The following TRAF7 variants were observed in gnomAD, a reference collection of about 807,000 sequenced individuals.
The protein encoded by TRAF7 is E3 ubiquitin-protein ligase TRAF7.
A neutral mutation model predicts 89.3 loss-of-function variants in TRAF7; 45 were observed. The observed-to-expected ratio is 0.50, with a 90% confidence interval of 0.40 to 0.65. The LOEUF (loss-of-function observed/expected upper bound fraction) is 0.65, where lower values mean the gene tolerates loss of function less well. TRAF7 is among the 30% of genes least tolerant of loss of function. The pLI is 0.00. For synonymous variants in TRAF7, 406 were observed against 369.2 expected (o/e 1.10, Z -1.14); for missense variants, 677 against 918.1 (o/e 0.74, Z 3.39).
chr16:2,175,222 C>T lies in TRAF7; in HGVS notation c.1386+72C>T, dbSNP rs377190585. On this transcript the variant is annotated intron_variant, in intron 15 of 20. Transcript: ENST00000326181. ...CCCCAGTCTGTAGGTGCCCCAGGGA[C>T]GTGTTTCTCCCCGTCTGGGCTCCAG... The T allele has an allele frequency of 3.7e-5, 60 of 1,612,150 alleles. 1 individual carries two copies. The highest frequency in any genetic ancestry group is 2.3e-4 in the South Asian group (21 of 91,054).
intron 11 of TRAF7, 91 bp from the exon 12 acceptor site, chr16:2,173,696 AC>A: frequency 6.3e-7 from 1 of 1,577,824 alleles, no homozygotes. Flanking sequence ...ACCCCTGCCC[AC>A]CCCTGGCCCA....
intron 2 of TRAF7, among the ~76,000 whole-genome samples, chr16:2,165,247 C>A (rs141994235): frequency 5.1e-5 from 7 of 136,984 alleles, no homozygotes; most frequent in Non-Finnish European, 1.1e-4. Context: ...TGCTACGTGG[C>A]GCGGCCTGGT....
chr16:2,176,567 C>A lies in TRAF7; in HGVS notation c.2006C>A (p.Thr669Asn). The change falls in exon 21 of 21, where the codon ACT becomes AAT. Residue 669 changes from threonine to asparagine, a missense_variant. By Grantham distance (65) the Thr-to-Asn change is moderately conservative. Around this residue, in one of 6 missense-constraint regions of TRAF7, gnomAD observed 23 missense variants for 31.7 expected, o/e 0.73. Coordinates refer to ENST00000326181, the MANE Select transcript of TRAF7 (RefSeq NM_032271.3). The stretch of plus-strand genomic sequence containing the variant: ...GCAGCCCTTTCTCTGCAGGTTTGGA[C>A]TTGCTAACAGGATCCAGGCCAGGCT... ...GAVDSTVKVW[T>N]C 6.2e-7 allele frequency: 1 copy of A among 1,613,462 alleles called. No homozygotes were observed. The highest frequency in any genetic ancestry group is 8.5e-7 in the Non-Finnish European group (1 of 1,179,998).
rs376580813 is a variant in TRAF7, at chr16:2,164,139, G to GGTGTGT, written c.81+154_81+159dup. 4.0e-3 allele frequency: 2,181 copies of GGTGTGT among 544,142 alleles called. 41 individuals carry two copies. Among genetic ancestry groups the GGTGTGT allele is most frequent in the African/African-American group, 0.04 (1,845 of 46,414 alleles). 33.7% of individuals were successfully genotyped at this position (544,142 alleles called of 1,614,324 possible). On this transcript the variant is annotated intron_variant, in intron 2 of 20. Coordinates refer to ENST00000326181, the MANE Select transcript of TRAF7 (RefSeq NM_032271.3). ...AGGGGAGCTCGGTGGGGGGGGGTGT[G>GGTGTGT]GTGTGTGTGTGTGTGTGTGTGCGCG...
At chr16:2,164,155 T>TGCGC (rs1308141975) in intron 2 of TRAF7, among the ~76,000 whole-genome samples, 154 bp downstream of exon 2, 1 of 130,480 alleles carries the variant, frequency 7.7e-6, no homozygotes, top group African/African-American at 3.0e-5. Context: ...TGTGTGTGTG[T>TGCGC]GTGTGCGCGC....
In TRAF7 at chr16:2,164,368, CGT is replaced by C. The variant is rs532167565; in HGVS notation, c.81+370_81+371del. On this transcript the variant is annotated intron_variant, in intron 2 of 20. Coordinates refer to ENST00000326181, the MANE Select transcript of TRAF7 (RefSeq NM_032271.3). Reference sequence around the variant, plus strand: ...GGCGCGGCCTGGTTGCATGGTTAAGCGTGTTAGTGCTGCGTGGTGCGGCCTGG... The same window carrying C: ...GGCGCGGCCTGGTTGCATGGTTAAGCGTTAGTGCTGCGTGGTGCGGCCTGG... Among the ~76,000 whole-genome samples the C allele has an allele frequency of 6.8e-5, 10 of 146,588 alleles. No homozygotes were observed. In the South Asian group the frequency reaches 2.0e-3, roughly 29 times the overall value.
At position 2,163,775 on chromosome 16, in the gene TRAF7, G is replaced by C; in HGVS notation, c.-38-108G>C. The C allele has an allele frequency of 1.4e-6, 1 of 734,172 alleles. No individual in the cohort carries two copies. Among genetic ancestry groups the C allele is most frequent in the Non-Finnish European group, 2.3e-6 (1 of 425,766 alleles). 45.5% of individuals were successfully genotyped at this position (734,172 alleles called of 1,614,324 possible). On this transcript the variant is annotated intron_variant, in intron 1 of 20. Transcript: ENST00000326181. This position sits in a 1 kb window ranked among gnomAD's most constrained non-coding sequence, Gnocchi z 4.3. ...GGGCTGGTGGTGGAAGGCTGCTGCGGCGGCCCCACGGTGCCCCACAGCAGG... is the reference window on the plus strand; with the variant it reads ...GGGCTGGTGGTGGAAGGCTGCTGCGCCGGCCCCACGGTGCCCCACAGCAGG...
chr16:2,172,007 A>G (rs2093113545), intron 7 of TRAF7, among the ~76,000 whole-genome samples, 184 bp from the exon 8 acceptor site: 1 of 151,562 alleles, frequency 6.6e-6, no homozygotes, highest in South Asian at 2.1e-4. Flanking sequence ...GCTGAGTGTC[A>G]CAGGTGACAC....
rs1182557088 is a variant in TRAF7 at position 2,178,079 on chromosome 16, G to C, written c.*1505G>C. On this transcript the variant is annotated 3_prime_UTR_variant, in exon 21 of 21. Coordinates refer to ENST00000326181, the MANE Select transcript of TRAF7 (RefSeq NM_032271.3). ...AAAGTTATACCTTTTTGTTTCTCTG[G>C]GGAAATCCGCCTCAGCTCATTCCCA... is the stretch of plus-strand genomic sequence containing the variant. 4.1e-6 allele frequency: 2 copies of C among 486,992 alleles called. No individual in the cohort carries two copies. Among genetic ancestry groups the C allele is most frequent in the Middle Eastern group, 4.1e-4 (1 of 2,412 alleles). The allele number at this position is 486,992 out of a possible 1,614,324, so 30.2% of individuals were successfully genotyped here. A position where few individuals can be genotyped will look rare whatever the true frequency, so the allele number is the denominator to read the frequency against.
At position 2,177,321 on chromosome 16, in the gene TRAF7, G is replaced by A. The variant is rs774171703; in HGVS notation, c.*747G>A. 6 of 234,622 alleles carry A rather than the reference G, an allele frequency of 2.6e-5. No individual in the cohort carries two copies. Among genetic ancestry groups the A allele is most frequent in the South Asian group, 3.6e-4 (2 of 5,620 alleles). 14.5% of individuals were successfully genotyped at this position (234,622 alleles called of 1,614,324 possible). Reference sequence around the variant, plus strand: ...GGCACGTCCACTCGCAGGGAAACACGGGGTGAGACAGCAGGAAGGGGCCCT... The same window carrying A: ...GGCACGTCCACTCGCAGGGAAACACAGGGTGAGACAGCAGGAAGGGGCCCT... On this transcript the variant is annotated 3_prime_UTR_variant, in exon 21 of 21. Transcript: ENST00000326181.
intron 2 of TRAF7, among the ~76,000 whole-genome samples, 158 bp downstream of exon 2, chr16:2,164,159 T>TGTGTGTGTGTGTGCGC (rs879079517): frequency 7.9e-6 from 1 of 126,078 alleles, no homozygotes; most frequent in African/African-American, 3.1e-5. Flanking sequence ...TGTGTGTGTG[T>TGTGTGTGTGTGTGCGC]GCGCGCGCGC....
chr16:2,163,784 C>A lies in TRAF7; in HGVS notation c.-38-99C>A. ...GTGGAAGGCTGCTGCGGCGGCCCCA[C>A]GGTGCCCCACAGCAGGTCTGCACAC... is the stretch of plus-strand genomic sequence containing the variant. On this transcript the variant is annotated intron_variant, in intron 1 of 20. Transcript: ENST00000326181. The surrounding 1 kb of genome is among the most constrained non-coding windows in gnomAD (Gnocchi z 4.3). The A allele has an allele frequency of 2.5e-6, 2 of 791,448 alleles. No homozygotes were observed. Among genetic ancestry groups the A allele is most frequent in the Non-Finnish European group, 2.1e-6 (1 of 472,714 alleles). The allele number at this position is 791,448 out of a possible 1,614,324, so 49.0% of individuals were successfully genotyped here.
In TRAF7 at chr16:2,174,303, A is replaced by G; in HGVS notation, c.1316A>G (p.Asp439Gly). 6.2e-7 allele frequency: 1 copy of G among 1,613,236 alleles called. No homozygotes were observed. The change falls in exon 14 of 21, where the codon GAT becomes GGT. Residue 439 changes from aspartate to glycine, a missense_variant. Transcript: ENST00000326181. ...YKCQKTLEGH[D>G]GIVLALCIQG... Reference sequence around the variant, plus strand: ...TGTCAGAAGACACTGGAGGGCCATGATGGCATCGTGCTGGCTCTCTGCATC... The same window carrying G: ...TGTCAGAAGACACTGGAGGGCCATGGTGGCATCGTGCTGGCTCTCTGCATC...
chr16:2,164,173 C>CGCGCGCGCACGCGTGCGT (rs1222355185), intron 2 of TRAF7, among the ~76,000 whole-genome samples, 172 bp downstream of exon 2: 2 of 121,458 alleles, frequency 1.6e-5, no homozygotes, highest in African/African-American at 3.4e-5. Flanking sequence ...CGCGCGCGCG[C>CGCGCGCGCACGCGTGCGT]GCGCGCGCAC....
In TRAF7 at chr16:2,173,790, C is replaced by G; in HGVS notation, c.1089C>G (p.Asp363Glu). The stretch of plus-strand genomic sequence containing the variant: ...CTGCCCTGCCCTTGGCCCTGCAGGA[C>G]GAGCTGTCCCACATCAACGCGCGGC... ...EFRRDASMLNDELSHINARLN... is the reference protein window; with the variant it reads ...EFRRDASMLNEELSHINARLN... The change falls in exon 12 of 21, where the codon GAC (aspartate) becomes GAG (glutamate). Residue 363 changes from aspartate to glutamate, a missense_variant and splice_region_variant. Transcript: ENST00000326181. 1.2e-6 allele frequency: 2 copies of G among 1,610,554 alleles called. No individual in the cohort carries two copies. Among genetic ancestry groups the G allele is most frequent in the Admixed American group, 1.7e-5 (1 of 60,020 alleles).
rs753710221 is a variant in TRAF7 at position 2,173,462 on chromosome 16, C to G, written c.1013-19C>G. The G allele has an allele frequency of 6.2e-7, 1 of 1,613,120 alleles. No homozygotes were observed. The highest frequency in any genetic ancestry group is 1.7e-5 in the Admixed American group (1 of 60,016). Reference sequence around the variant, plus strand: ...CTGCTCCGGGCACCAGTGACACCCCCTCTCCTCCTGCTACTCAGACGTCCT... The same window carrying G: ...CTGCTCCGGGCACCAGTGACACCCCGTCTCCTCCTGCTACTCAGACGTCCT... On this transcript the variant is annotated intron_variant, in intron 10 of 20. Coordinates refer to ENST00000326181, the MANE Select transcript of TRAF7 (RefSeq NM_032271.3).
rs2093120922 is a variant in TRAF7 at position 2,173,203 on chromosome 16, G to A, written c.816G>A (p.Gln272=). 11 of 1,611,026 alleles carry A rather than the reference G, an allele frequency of 6.8e-6. No individual in the cohort carries two copies. The highest frequency in any genetic ancestry group is 7.6e-6 in the Non-Finnish European group (9 of 1,179,318). Residue 272 remains glutamine, a synonymous_variant, in exon 10 of 21, where the codon CAG becomes CAA. Coordinates refer to ENST00000326181, the MANE Select transcript of TRAF7 (RefSeq NM_032271.3). The part of the protein sequence containing the change: ...SKYGCTFIGN[Q]DTYETHLETC... ...GCAGGTGCACGTTCATCGGGAACCA[G>A]GACACTTACGAGACCCACCTGGAGA...
At chr16:2,171,753 A>C in intron 7 of TRAF7, 148 bp downstream of exon 7, 1 of 1,245,182 alleles carries the variant, frequency 8.0e-7, no homozygotes, top group Non-Finnish European at 1.1e-6. Flanking sequence ...CGTCCTAGGG[A>C]CGCTCAGGCT....
intron 12 of TRAF7, 21 bp downstream of exon 12, chr16:2,173,857 G>GCCCCCCCCCCCCCCCCCCCCC: frequency 6.2e-7 from 1 of 1,607,510 alleles, no homozygotes; most frequent in Non-Finnish European, 8.5e-7. Context: ...ACCCGCCGTG[G>GCCCCCCCCCCCCCCCCCCCCC]CTCCCGCCCA....
Sources: allele counts gnomAD v4.1 joint callset (sites outside exome capture counted in the v4.1 genomes callset), GRCh38; gene constraint gnomAD v4.1.1; regional missense constraint gnomAD v4.1.1; non-coding constraint Gnocchi (gnomAD v3.1); transcripts MANE v1.5; gene names NCBI Gene and HGNC (gene_info 2026-07-23, HGNC 2026-07-21).